ZFHX4: variants seen among roughly 807,000 people sequenced by gnomAD.
ZFHX4 encodes the protein zinc finger homeobox 4, also known as zinc finger homeobox protein 4.
A neutral mutation model predicts 267.6 loss-of-function variants in ZFHX4; 56 were observed. The ratio of observed to expected loss-of-function variants is 0.21; its 90% CI spans 0.17 to 0.26. The LOEUF is 0.26. ZFHX4 is among the 10% of genes least tolerant of loss of function. The probability of loss-of-function intolerance (pLI) is 1.00; values close to 1 mark genes in which losing one functional copy is unlikely to be tolerated. For missense variants in ZFHX4, 4,332 were observed against 4,420.0 expected (o/e 0.98, Z 0.56); for synonymous variants, 1,778 against 1,665.6 (o/e 1.07, Z -1.64).
chr8:76,850,069 C>T (rs1812470985), intron 8 of ZFHX4, 176 bp from the exon 9 acceptor site: 4 of 596,746 alleles, frequency 6.7e-6, no homozygotes, highest in Non-Finnish European at 1.2e-5. Flanking sequence ...TACAACATTG[C>T]CACAGCATTG....
At chr8:76,837,225 G>C (rs1254694222) in intron 5 of ZFHX4, among the ~76,000 whole-genome samples, 1 of 152,222 alleles carries the variant, frequency 6.6e-6, no homozygotes, top group African/African-American at 2.4e-5. Flanking sequence ...GGCCCCAGCA[G>C]AGGAGAATAA....
At chr8:76,742,657 C>T (rs1377396844) in intron 3 of ZFHX4, among the ~76,000 whole-genome samples, 2 of 152,164 alleles carry the variant, frequency 1.3e-5, no homozygotes, top group Non-Finnish European at 1.5e-5. Context: ...ATGTTAATCA[C>T]AGAATCAAAA....
intron 9 of ZFHX4, 105 bp downstream of exon 9, chr8:76,850,467 G>T: frequency 1.1e-6 from 1 of 922,474 alleles, no homozygotes; most frequent in Admixed American, 2.8e-5. Flanking sequence ...GTAAAGCATA[G>T]GGGAAAAATG....
At chr8:76,771,260 T>C (rs962256243) in intron 3 of ZFHX4, among the ~76,000 whole-genome samples, 1 of 152,148 alleles carries the variant, frequency 6.6e-6, no homozygotes, top group Non-Finnish European at 1.5e-5. Flanking sequence ...TATGTACTTA[T>C]TTATTTGAGT....
At chr8:76,768,036 C>CT (rs1290297101) in intron 3 of ZFHX4, among the ~76,000 whole-genome samples, 1 of 151,976 alleles carries the variant, frequency 6.6e-6, no homozygotes, top group African/African-American at 2.4e-5. Flanking sequence ...ATTGAGGAGT[C>CT]TTTTTGTTGA....
chr8:76,711,910 G>T (rs1030316295), intron 3 of ZFHX4, among the ~76,000 whole-genome samples: 1 of 152,178 alleles, frequency 6.6e-6, no homozygotes, highest in African/African-American at 2.4e-5. Context: ...ACCATTCAGT[G>T]CAGGACATAG....
At chr8:76,781,482 A>T (rs1264952683) in intron 4 of ZFHX4, among the ~76,000 whole-genome samples, 1 of 152,062 alleles carries the variant, frequency 6.6e-6, no homozygotes, top group African/African-American at 2.4e-5. Context: ...TGGTGAAAAA[A>T]TTGATATTTA....
intron 4 of ZFHX4, among the ~76,000 whole-genome samples, chr8:76,823,038 C>A (rs1485509526): frequency 6.6e-6 from 1 of 151,866 alleles, no homozygotes; most frequent in Non-Finnish European, 1.5e-5. Context: ...TTTAACATTT[C>A]TTTTCTCTCC....
Position 76,778,269 on chromosome 8 carries a change from G to A in ZFHX4, c.3155G>A (p.Cys1052Tyr), listed in dbSNP as rs1810453005. 6.2e-7 allele frequency: 1 copy of A among 1,613,726 alleles called. No individual in the cohort carries two copies. The highest frequency in any genetic ancestry group is 8.5e-7 in the Non-Finnish European group (1 of 1,179,800). Residue 1052 changes from cysteine to tyrosine, a missense_variant, in exon 4 of 11, where the codon TGT becomes TAT. Coordinates refer to ENST00000651372, the MANE Select transcript of ZFHX4 (RefSeq NM_024721.5). ...PESCYYYCAV[C>Y]DYTTKVKLNL... Reference sequence around the variant, plus strand: ...TCCTGCTATTACTACTGTGCCGTGTGTGATTACACCACCAAGGTCAAGTTG... The same window carrying A: ...TCCTGCTATTACTACTGTGCCGTGTATGATTACACCACCAAGGTCAAGTTG...
intron 1 of ZFHX4, among the ~76,000 whole-genome samples, chr8:76,690,655 T>C (rs1807799528): frequency 6.6e-6 from 1 of 151,984 alleles, no homozygotes; most frequent in African/African-American, 2.4e-5. Context: ...CTCTTTTGGT[T>C]TAGTGGATAC....
chr8:76,757,529 C>T lies in ZFHX4; in HGVS notation c.3094-20679C>T, dbSNP rs56822398. 5.2e-3 allele frequency among the ~76,000 whole-genome samples: 791 copies of T among 152,310 alleles called. 6 individuals are homozygous for T. Among genetic ancestry groups the T allele is most frequent in the African/African-American group, 0.018 (737 of 41,576 alleles). ...AAGTTGGGAGTGCTATTGTTAAACT[C>T]CAGGGCTCTTTGACTTGCCCATGGG... On this transcript the variant is annotated intron_variant, in intron 3 of 10. Transcript: ENST00000651372.
chr8:76,759,281 T>A (rs952069413), intron 3 of ZFHX4, among the ~76,000 whole-genome samples: 5 of 152,176 alleles, frequency 3.3e-5, no homozygotes, highest in Non-Finnish European at 7.3e-5. Context: ...ATAAAAAAAA[T>A]CTATTCCCCC....
At chr8:76,849,180 C>T in intron 7 of ZFHX4, 52 bp downstream of exon 7, 2 of 1,499,846 alleles carry the variant, frequency 1.3e-6, no homozygotes, top group Non-Finnish European at 8.9e-7. Context: ...TTTATTGCTC[C>T]TGATAGTTTT....
At chr8:76,685,433 T>G (rs904142472) in intron 1 of ZFHX4, among the ~76,000 whole-genome samples, 13 of 152,198 alleles carry the variant, frequency 8.5e-5, no homozygotes, top group African/African-American at 2.9e-4. Context: ...TTTTAGGATT[T>G]TCGTTATAAA....
rs1385557424 is a variant in ZFHX4, at chr8:76,833,463, T to C, written c.3394+57T>C. 6.8e-6 allele frequency: 9 copies of C among 1,319,898 alleles called. No homozygotes were observed. The Middle Eastern group carries it at 7.2e-4, about 106-fold the overall frequency. The allele number at this position is 1,319,898 out of a possible 1,614,324, so 81.8% of individuals were successfully genotyped here. A position where few individuals can be genotyped will look rare whatever the true frequency, so the allele number is the denominator to read the frequency against. ...CCTTGTCCTAAATGAGTTGCTTTTG[T>C]TACTCTCATAATTGATGGAATAAAC... On this transcript the variant is annotated intron_variant, in intron 5 of 10. Coordinates refer to ENST00000651372, the MANE Select transcript of ZFHX4 (RefSeq NM_024721.5).
intron 4 of ZFHX4, among the ~76,000 whole-genome samples, chr8:76,829,057 T>A (rs188754277): frequency 2.0e-5 from 3 of 152,308 alleles, no homozygotes; most frequent in Admixed American, 2.0e-4. Context: ...TCCATTATTT[T>A]AAAAATTCCA....
chr8:76,822,656 T>G (rs28377777), intron 4 of ZFHX4, among the ~76,000 whole-genome samples: 11,035 of 151,852 alleles, frequency 0.073, 851 homozygotes, highest in African/African-American at 0.2. Context: ...TTGAACTTCT[T>G]GTCTTGAACT....
chr8:76,734,384 T>A (rs1402922851), intron 3 of ZFHX4, among the ~76,000 whole-genome samples: 1 of 152,178 alleles, frequency 6.6e-6, no homozygotes, highest in South Asian at 2.1e-4. Context: ...TTAAAAGTAA[T>A]TCCCACACAG....
chr8:76,686,224 G>A (rs1422084801), intron 1 of ZFHX4, among the ~76,000 whole-genome samples: 2 of 152,130 alleles, frequency 1.3e-5, no homozygotes, highest in South Asian at 2.1e-4. Flanking sequence ...GCTTAATTTA[G>A]TCTGTTAAAA....
Sources: allele counts gnomAD v4.1 joint callset (sites outside exome capture counted in the v4.1 genomes callset), GRCh38; gene constraint gnomAD v4.1.1; transcripts MANE v1.5; gene names NCBI Gene and HGNC (gene_info 2026-07-23, HGNC 2026-07-21).